Variants in LIMD1 observed in about 807,000 individuals in gnomAD.
LIMD1 encodes LIM domain-containing protein 1.
A neutral mutation model predicts 58.4 loss-of-function variants in LIMD1; 23 were observed. The ratio of observed to expected loss-of-function variants is 0.39; its 90% CI spans 0.28 to 0.56. LIMD1 has a LOEUF of 0.56. Ranked by LOEUF, LIMD1 falls within the 20% of genes least tolerant of loss-of-function variation. The pLI is 0.57. For missense variants in LIMD1, 838 were observed against 855.5 expected (o/e 0.98, Z 0.25); for synonymous variants, 334 against 345.5 (o/e 0.97, Z 0.37).
intron 3 of LIMD1, among the ~76,000 whole-genome samples, chr3:45,666,286 G>A (rs1697517382): frequency 6.6e-6 from 1 of 152,104 alleles, no homozygotes; most frequent in Admixed American, 6.5e-5. Flanking sequence ...CTCCTTGAAC[G>A]CAGCCAGGCG....
At chr3:45,616,875 C>T (rs1575347216) in intron 1 of LIMD1, among the ~76,000 whole-genome samples, 1 of 151,180 alleles carries the variant, frequency 6.6e-6, no homozygotes, top group Non-Finnish European at 1.5e-5. Flanking sequence ...GCTGAGGTTA[C>T]AGGTGTGCGC....
chr3:45,671,701 C>A (rs1395951651), intron 4 of LIMD1, among the ~76,000 whole-genome samples: 3 of 152,140 alleles, frequency 2.0e-5, no homozygotes, highest in Non-Finnish European at 4.4e-5. Context: ...CTGGGCCTTA[C>A]CCCCAGAGTT....
intron 2 of LIMD1, among the ~76,000 whole-genome samples, chr3:45,655,660 G>C (rs1313847599): frequency 6.6e-6 from 1 of 152,154 alleles, no homozygotes; most frequent in African/African-American, 2.4e-5. Flanking sequence ...AGCAGTCTGT[G>C]TTTCAACAAA....
At chr3:45,662,147 C>A (rs754561207) in intron 2 of LIMD1, among the ~76,000 whole-genome samples, 20 of 152,178 alleles carry the variant, frequency 1.3e-4, no homozygotes, top group Non-Finnish European at 2.4e-4. Context: ...TCTGCCTATT[C>A]TTTACCCATT....
chr3:45,615,327 A>G (rs950310101), intron 1 of LIMD1, among the ~76,000 whole-genome samples: 4 of 152,188 alleles, frequency 2.6e-5, no homozygotes, highest in Admixed American at 6.5e-5. Flanking sequence ...TTCTCATGGT[A>G]CAGGGAGGGC....
At chr3:45,609,679 G>A (rs1701504938) in intron 1 of LIMD1, among the ~76,000 whole-genome samples, 1 of 152,190 alleles carries the variant, frequency 6.6e-6, no homozygotes, top group Non-Finnish European at 1.5e-5. Context: ...GTAGTTCCAA[G>A]CCAGGATAAC....
chr3:45,641,475 T>C (rs1701841813), intron 2 of LIMD1, among the ~76,000 whole-genome samples: 1 of 149,982 alleles, frequency 6.7e-6, no homozygotes, highest in African/African-American at 2.4e-5. Flanking sequence ...ATATATAGTA[T>C]GTAAAGCCAG....
Position 45,677,122 on chromosome 3 carries a change from G to A in LIMD1, c.*63G>A, listed in dbSNP as rs1193511896. On this transcript the variant is annotated 3_prime_UTR_variant, in exon 8 of 8. Transcript: ENST00000273317. ...AGCCGGGGTTGCTGCTGCTGCTTCC[G>A]GTGGCCCCTGGGGTGGAAGTGGGGT... 2.9e-5 allele frequency: 46 copies of A among 1,579,390 alleles called. No individual in the cohort carries two copies. Among genetic ancestry groups the A allele is most frequent in the South Asian group, 2.1e-4 (19 of 89,038 alleles).
intron 2 of LIMD1, among the ~76,000 whole-genome samples, chr3:45,638,200 T>C (rs1046692259): frequency 1.3e-5 from 2 of 152,228 alleles, no homozygotes; most frequent in African/African-American, 4.8e-5. Flanking sequence ...GGTTCCTTTA[T>C]TAATTGATGA....
chr3:45,660,439 G>A (rs550159151), intron 2 of LIMD1, among the ~76,000 whole-genome samples: 3 of 137,400 alleles, frequency 2.2e-5, no homozygotes, highest in East Asian at 2.0e-4. Context: ...TTCCCGAGAC[G>A]GAGTCTCTCT....
chr3:45,622,966 C>T (rs1405272848), intron 1 of LIMD1, among the ~76,000 whole-genome samples: 1 of 152,134 alleles, frequency 6.6e-6, no homozygotes, highest in African/African-American at 2.4e-5. Context: ...CCGCACCTGG[C>T]CTTTTAAAGG....
intron 7 of LIMD1, among the ~76,000 whole-genome samples, chr3:45,676,686 C>T (rs7627203): frequency 0.043 from 6,502 of 152,272 alleles, 459 homozygotes; most frequent in African/African-American, 0.15. Context: ...CCTAAGTCTT[C>T]GGAATCTGCA....
Position 45,665,818 on chromosome 3 carries a change from G to A in LIMD1, c.1578+101G>A, listed in dbSNP as rs1442853569. 4.2e-6 allele frequency: 4 copies of A among 963,486 alleles called. No individual in the cohort carries two copies. The South Asian group carries it at 4.3e-5, about 10-fold the overall frequency. The allele number at this position is 963,486 out of a possible 1,614,324, so 59.7% of individuals were successfully genotyped here. On this transcript the variant is annotated intron_variant, in intron 3 of 7. Coordinates refer to ENST00000273317, the MANE Select transcript of LIMD1 (RefSeq NM_014240.3). ...CAGCGTGTAGGGAAGCTGCACTGCT[G>A]GAGAGAGGGGCCCTGCCTTTCCTTC...
chr3:45,616,017 TA>T (rs1701572352), intron 1 of LIMD1, among the ~76,000 whole-genome samples: 1 of 152,194 alleles, frequency 6.6e-6, no homozygotes, highest in Non-Finnish European at 1.5e-5. Flanking sequence ...CTCTAGGGAT[TA>T]AAAATAGAGT....
chr3:45,604,787 G>A (rs562358718), intron 1 of LIMD1, among the ~76,000 whole-genome samples: 8 of 152,248 alleles, frequency 5.3e-5, no homozygotes, highest in African/African-American at 1.2e-4. Flanking sequence ...TTCCCACAGC[G>A]TCTGCCTGTC....
intron 1 of LIMD1, among the ~76,000 whole-genome samples, chr3:45,623,082 T>C (rs1021604440): frequency 3.9e-5 from 6 of 152,208 alleles, no homozygotes; most frequent in African/African-American, 1.4e-4. Flanking sequence ...GTGACACTGT[T>C]ATCATCCTTA....
chr3:45,637,831 T>C (rs1267755176), intron 2 of LIMD1, among the ~76,000 whole-genome samples: 1 of 152,256 alleles, frequency 6.6e-6, no homozygotes, highest in Non-Finnish European at 1.5e-5. Context: ...CAGTCCTCAC[T>C]GCAATTTGCC....
chr3:45,599,022 G>C (rs13061940), intron 1 of LIMD1, among the ~76,000 whole-genome samples: 7,292 of 152,168 alleles, frequency 0.048, 236 homozygotes, highest in East Asian at 0.16. Context: ...AGGTCATATT[G>C]GGTACTGCTG....
intron 7 of LIMD1, among the ~76,000 whole-genome samples, chr3:45,676,385 G>A (rs1697672955): frequency 1.3e-5 from 2 of 150,302 alleles, no homozygotes. Context: ...TTATTACATA[G>A]ATATATGTTG....
Sources: allele counts gnomAD v4.1 joint callset (sites outside exome capture counted in the v4.1 genomes callset), GRCh38; gene constraint gnomAD v4.1.1; transcripts MANE v1.5; gene names NCBI Gene and HGNC (gene_info 2026-07-23, HGNC 2026-07-21).